The following EFL1 variants were observed in gnomAD, a reference collection of about 807,000 sequenced individuals.
EFL1 encodes elongation factor like GTPase 1, also known as elongation factor-like GTPase 1.
Under a neutral mutation model 126.7 loss-of-function variants are expected in EFL1, and 76 were observed. The ratio of observed to expected loss-of-function variants is 0.60; its 90% CI spans 0.50 to 0.73. The LOEUF is 0.73. EFL1 is among the 30% of genes least tolerant of loss of function. The pLI, the probability that EFL1 is intolerant of heterozygous loss-of-function variation, is 0.00. For missense variants in EFL1, 1,128 were observed against 1,343.2 expected (o/e 0.84, Z 2.50); for synonymous variants, 410 against 448.4 (o/e 0.91, Z 1.08).
intron 12 of EFL1, among the ~76,000 whole-genome samples, chr15:82,222,463 G>A (rs150851572): frequency 2.0e-5 from 3 of 152,292 alleles, no homozygotes; most frequent in African/African-American, 7.2e-5. Context: ...AAAAAGAAGT[G>A]TATTTGTTCA....
At chr15:82,165,656 C>T (rs2074071791) in intron 15 of EFL1, among the ~76,000 whole-genome samples, 1 of 152,220 alleles carries the variant, frequency 6.6e-6, no homozygotes, top group Non-Finnish European at 1.5e-5. Context: ...CTTTCCCCAT[C>T]TCCACACATC....
intron 15 of EFL1, among the ~76,000 whole-genome samples, chr15:82,185,549 G>C (rs906531028): frequency 6.6e-6 from 1 of 151,872 alleles, no homozygotes; most frequent in Non-Finnish European, 1.5e-5. Context: ...TAAAAAGCAA[G>C]TCAAAAATGG....
intron 15 of EFL1, among the ~76,000 whole-genome samples, chr15:82,181,582 T>C (rs757132273): frequency 9.9e-5 from 15 of 151,988 alleles, no homozygotes; most frequent in Non-Finnish European, 1.8e-4. Flanking sequence ...GGCAGCATAT[T>C]TTCCTGATGA....
chr15:82,179,439 C>T (rs144811651), intron 15 of EFL1, among the ~76,000 whole-genome samples: 2,731 of 152,078 alleles, frequency 0.018, 29 homozygotes, highest in Non-Finnish European at 0.026. Flanking sequence ...AAAGTAAACC[C>T]CAACTTAGAT....
chr15:82,248,053 G>A (rs1413132207), intron 4 of EFL1, among the ~76,000 whole-genome samples: 2 of 152,048 alleles, frequency 1.3e-5, no homozygotes, highest in East Asian at 3.9e-4. Flanking sequence ...TCTGTCCTTG[G>A]GAAAGTGTCT....
intron 4 of EFL1, among the ~76,000 whole-genome samples, chr15:82,244,175 A>G (rs745400566): frequency 6.6e-6 from 1 of 152,058 alleles, no homozygotes; most frequent in Non-Finnish European, 1.5e-5. Flanking sequence ...TAAATTTCAA[A>G]GGTTGGGGAC....
At chr15:82,212,145 C>CA (rs1567065068) in intron 15 of EFL1, among the ~76,000 whole-genome samples, 2 of 151,852 alleles carry the variant, frequency 1.3e-5, no homozygotes, top group Admixed American at 1.3e-4. Flanking sequence ...TGTATTTTAC[C>CA]AAAAAAATTA....
chr15:82,165,725 C>T (rs1369012264), intron 15 of EFL1, among the ~76,000 whole-genome samples: 5 of 152,172 alleles, frequency 3.3e-5, no homozygotes, highest in Non-Finnish European at 7.4e-5. Flanking sequence ...TCACTTTCAC[C>T]AACTACCTTT....
At chr15:82,228,047 T>C in intron 10 of EFL1, 144 bp downstream of exon 10, 1 of 1,050,008 alleles carries the variant, frequency 9.5e-7, no homozygotes, top group Non-Finnish European at 1.3e-6. Flanking sequence ...TTTAATACAG[T>C]TTCATGGTAG....
intron 18 of EFL1, among the ~76,000 whole-genome samples, chr15:82,150,013 T>C (rs988015568): frequency 2.9e-4 from 44 of 152,166 alleles, no homozygotes; most frequent in Non-Finnish European, 1.6e-4. Flanking sequence ...AAATGAAAAA[T>C]AGCATCTGAG....
intron 17 of EFL1, among the ~76,000 whole-genome samples, chr15:82,156,900 T>C (rs1369580323): frequency 2.0e-5 from 3 of 152,174 alleles, no homozygotes; most frequent in Non-Finnish European, 4.4e-5. Context: ...TTTTAGAAAA[T>C]GATAAACTAT....
chr15:82,189,065 T>C (rs1251847610), intron 15 of EFL1, among the ~76,000 whole-genome samples: 2 of 152,160 alleles, frequency 1.3e-5, no homozygotes, highest in East Asian at 1.9e-4. Flanking sequence ...CAAATTTAGA[T>C]GGTACAGCCT....
chr15:82,176,437 C>T (rs1163880340), intron 15 of EFL1, among the ~76,000 whole-genome samples: 1 of 152,114 alleles, frequency 6.6e-6, no homozygotes, highest in African/African-American at 2.4e-5. Flanking sequence ...AATACATATA[C>T]CCATCCAGGG....
chr15:82,259,661 A>G (rs1484235469), intron 2 of EFL1, among the ~76,000 whole-genome samples: 4 of 152,222 alleles, frequency 2.6e-5, no homozygotes, highest in African/African-American at 9.6e-5. Flanking sequence ...ATTTATAGTT[A>G]CTTTTATTAA....
intron 17 of EFL1, among the ~76,000 whole-genome samples, chr15:82,153,611 T>C (rs1435884196): frequency 1.3e-5 from 2 of 152,180 alleles, no homozygotes; most frequent in Non-Finnish European, 2.9e-5. Context: ...GTGAAGAAGC[T>C]AGGATTCAAA....
At chr15:82,207,646 G>C (rs1054816438) in intron 15 of EFL1, among the ~76,000 whole-genome samples, 2 of 151,522 alleles carry the variant, frequency 1.3e-5, no homozygotes, top group African/African-American at 4.8e-5. Flanking sequence ...AAAGACTGAT[G>C]GTTACCCCTA....
At position 82,220,077 on chromosome 15, in the gene EFL1, C is replaced by A; in HGVS notation, c.1444+1G>T. 6.2e-7 allele frequency: 1 copy of A among 1,601,388 alleles called. No homozygotes were observed. Among genetic ancestry groups the A allele is most frequent in the Non-Finnish European group, 8.5e-7 (1 of 1,176,096 alleles). On this transcript the variant is annotated splice_donor_variant, in intron 13 of 19. Coordinates refer to ENST00000268206, the MANE Select transcript of EFL1 (RefSeq NM_024580.6). LOFTEE classifies it high-confidence loss of function. ...ACAGAGCCTACTTAGGAAAGCTATA[C>A]CTCTTGGCTCCTCTCCTTTTGGACA...
chr15:82,251,840 T>C (rs531847551), intron 4 of EFL1, among the ~76,000 whole-genome samples: 1 of 152,314 alleles, frequency 6.6e-6, no homozygotes, highest in South Asian at 2.1e-4. Flanking sequence ...TTCTTCTAAT[T>C]ACAAAAATAT....
chr15:82,228,044 C>T (rs1224464617), intron 10 of EFL1, 147 bp downstream of exon 10: 1 of 1,007,102 alleles, frequency 9.9e-7, no homozygotes, highest in African/African-American at 1.6e-5. Flanking sequence ...GTATTTAATA[C>T]AGTTTCATGG....
Sources: gnomAD v4.1 joint callset for allele counts (sites outside exome capture counted in the v4.1 genomes callset) on GRCh38, gnomAD v4.1.1 for gene constraint, MANE v1.5 for transcripts, NCBI Gene and HGNC (gene_info 2026-07-23, HGNC 2026-07-21) for gene names.